Variants in GABRG3 observed in about 807,000 individuals in gnomAD.
GABRG3 encodes the protein gamma-aminobutyric acid type A receptor subunit gamma3.
A neutral mutation model predicts 48.8 loss-of-function variants in GABRG3; 25 were observed. The observed-to-expected ratio is 0.51, with a 90% CI of 0.37 to 0.72. The LOEUF is 0.72. GABRG3 is among the 30% of genes least tolerant of loss of function. GABRG3 has a pLI of 0.00. For missense variants in GABRG3, 394 were observed against 577.9 expected (o/e 0.68, Z 3.26); for synonymous variants, 227 against 217.6 (o/e 1.04, Z -0.38).
intron 3 of GABRG3, among the ~76,000 whole-genome samples, chr15:27,216,750 T>A (rs369519559): frequency 9.3e-4 from 117 of 125,812 alleles, no homozygotes; most frequent in East Asian, 2.8e-3. Context: ...TTTTTTTATT[T>A]TTTATTTATT....
chr15:27,062,751 T>C (rs754876765), intron 3 of GABRG3, among the ~76,000 whole-genome samples: 5 of 152,212 alleles, frequency 3.3e-5, no homozygotes, highest in South Asian at 2.1e-4. Context: ...CATGTGCAGG[T>C]GCCACAAGGG....
rs566135087 is a variant in GABRG3 at position 27,200,686 on chromosome 15, C to T, written c.271-126123C>T. Among the ~76,000 whole-genome samples, 7 of 152,248 alleles carry T rather than the reference C, an allele frequency of 4.6e-5. 1 individual carries two copies. The South Asian group carries it at 1.5e-3, about 32-fold the overall frequency. ...TGTGGACCAGCGGATTTCTATGGTACCTACTACGGCCAGGCAGTGAAAGCA... is the reference window on the plus strand; with the variant it reads ...TGTGGACCAGCGGATTTCTATGGTATCTACTACGGCCAGGCAGTGAAAGCA... On this transcript the variant is annotated intron_variant, in intron 3 of 9. Transcript: ENST00000615808.
At chr15:27,339,062 A>G (rs1197297030) in intron 5 of GABRG3, among the ~76,000 whole-genome samples, 2 of 152,134 alleles carry the variant, frequency 1.3e-5, no homozygotes, top group Non-Finnish European at 2.9e-5. Context: ...TGTGGCAGGA[A>G]AGGAGCATAC....
chr15:27,387,619 T>C (rs915628388), intron 5 of GABRG3, among the ~76,000 whole-genome samples: 1 of 151,818 alleles, frequency 6.6e-6, no homozygotes, highest in Non-Finnish European at 1.5e-5. Flanking sequence ...TTCCTCCTTT[T>C]TAGGTGGCAG....
chr15:27,472,521 C>G (rs563672588), intron 5 of GABRG3, among the ~76,000 whole-genome samples: 1 of 152,250 alleles, frequency 6.6e-6, no homozygotes, highest in South Asian at 2.1e-4. Flanking sequence ...AATGACCTGC[C>G]CACCTTGGCC....
chr15:27,083,536 C>T (rs760475307), intron 3 of GABRG3, among the ~76,000 whole-genome samples: 16 of 152,132 alleles, frequency 1.1e-4, no homozygotes, highest in South Asian at 6.2e-4. Flanking sequence ...CCATGTTGGC[C>T]AGGATGGTCT....
chr15:27,180,985 G>C lies in GABRG3; in HGVS notation c.271-145824G>C, dbSNP rs1404719856. Reference sequence around the variant, plus strand: ...GCTGCTGAATTGTGCTGACTTCTTAGGAGGGCCGTAGTTCACAACTTCATG... The same window carrying C: ...GCTGCTGAATTGTGCTGACTTCTTACGAGGGCCGTAGTTCACAACTTCATG... On this transcript the variant is annotated intron_variant, in intron 3 of 9. Transcript: ENST00000615808. The surrounding 1 kb of genome is among the most constrained non-coding windows in gnomAD (Gnocchi z 4.2). Among the ~76,000 whole-genome samples the C allele has an allele frequency of 6.6e-6, 1 of 152,148 alleles. No homozygotes were observed. Among genetic ancestry groups the C allele is most frequent in the African/African-American group, 2.4e-5 (1 of 41,434 alleles).
chr15:27,043,641 A>G (rs565551430), intron 3 of GABRG3, among the ~76,000 whole-genome samples: 5 of 152,262 alleles, frequency 3.3e-5, no homozygotes, highest in East Asian at 1.9e-4. Flanking sequence ...CACTCATTCT[A>G]TCTCATGGAA....
chr15:27,520,496 G>A (rs1252491351), intron 7 of GABRG3, among the ~76,000 whole-genome samples: 1 of 150,968 alleles, frequency 6.6e-6, no homozygotes, highest in Non-Finnish European at 1.5e-5. Flanking sequence ...TGAAGACATA[G>A]TATTGGTAAA....
Position 27,319,166 on chromosome 15 carries a change from G to A in GABRG3, c.271-7643G>A, listed in dbSNP as rs144685407. 1.8e-4 allele frequency among the ~76,000 whole-genome samples: 28 copies of A among 152,306 alleles called. No homozygotes were observed. In the East Asian group the frequency reaches 4.4e-3, roughly 24 times the overall value. On this transcript the variant is annotated intron_variant, in intron 3 of 9. Coordinates refer to ENST00000615808, the MANE Select transcript of GABRG3 (RefSeq NM_033223.5). The surrounding 1 kb of genome is among the most constrained non-coding windows in gnomAD (Gnocchi z 4.4). ...CACGTATGTCAAATCATCACATCAT[G>A]CATCTTGAACATAGAGAATTTTTAT...
At chr15:27,450,963 C>CATCA (rs1452556412) in intron 5 of GABRG3, among the ~76,000 whole-genome samples, 15 of 151,962 alleles carry the variant, frequency 9.9e-5, no homozygotes, top group Non-Finnish European at 7.4e-5. Flanking sequence ...TTTAAAATAG[C>CATCA]ATCAAAAATA....
intron 3 of GABRG3, among the ~76,000 whole-genome samples, chr15:27,249,480 A>G (rs1890386799): frequency 6.6e-6 from 1 of 152,072 alleles, no homozygotes; most frequent in Non-Finnish European, 1.5e-5. Flanking sequence ...ACCTTCTTAA[A>G]TTTTCAGAGT....
intron 2 of GABRG3, among the ~76,000 whole-genome samples, chr15:26,993,719 T>G (rs12148834): frequency 3.1e-3 from 470 of 152,200 alleles, no homozygotes; most frequent in Admixed American, 6.9e-3. Context: ...CAGGTCCATT[T>G]GTTCTATAGT....
intron 3 of GABRG3, among the ~76,000 whole-genome samples, chr15:27,176,250 A>G (rs1473559562): frequency 6.6e-6 from 1 of 152,168 alleles, no homozygotes; most frequent in African/African-American, 2.4e-5. Flanking sequence ...TTATTTTAAG[A>G]GTTCCACCTC....
At chr15:27,531,478 G>A (rs945633092) in intron 9 of GABRG3, among the ~76,000 whole-genome samples, 7 of 152,188 alleles carry the variant, frequency 4.6e-5, no homozygotes, top group Admixed American at 3.9e-4. Flanking sequence ...ATTCTGAATG[G>A]CCTCTGTCCC....
chr15:27,292,438 A>G (rs986233587), intron 3 of GABRG3, among the ~76,000 whole-genome samples: 1 of 151,954 alleles, frequency 6.6e-6, no homozygotes, highest in South Asian at 2.1e-4. Context: ...TAAAAAAAAA[A>G]TGAAAAAAAA....
intron 5 of GABRG3, among the ~76,000 whole-genome samples, chr15:27,394,701 G>A (rs1222340832): frequency 6.6e-6 from 1 of 152,116 alleles, no homozygotes; most frequent in African/African-American, 2.4e-5. Flanking sequence ...CTTCGTTTTG[G>A]AAGGGTAATT....
intron 5 of GABRG3, among the ~76,000 whole-genome samples, chr15:27,458,944 C>T (rs1889369021): frequency 6.6e-6 from 1 of 152,226 alleles, no homozygotes; most frequent in African/African-American, 2.4e-5. Context: ...GGCACATTCT[C>T]TTCCTCTCTG....
intron 5 of GABRG3, among the ~76,000 whole-genome samples, chr15:27,466,477 A>G (rs965440613): frequency 6.6e-6 from 1 of 152,186 alleles, no homozygotes; most frequent in Admixed American, 6.5e-5. Flanking sequence ...CTTATTTCTT[A>G]TTGCACAGAA....
Sources: gnomAD v4.1 joint callset for allele counts (sites outside exome capture counted in the v4.1 genomes callset) on GRCh38, gnomAD v4.1.1 for gene constraint, Gnocchi (gnomAD v3.1) non-coding constraint, MANE v1.5 for transcripts, NCBI Gene and HGNC (gene_info 2026-07-23, HGNC 2026-07-21) for gene names.